DMD: variants seen among roughly 807,000 people sequenced by gnomAD.
DMD encodes mutant dystrophin.
Under a neutral mutation model 330.1 loss-of-function variants are expected in DMD, and 63 were observed. That is an observed-to-expected ratio of 0.19 (90% confidence interval 0.16 to 0.24). DMD has a LOEUF of 0.24. Among genes scored for constraint, DMD ranks in the 10% least tolerant of loss-of-function variants. The pLI, the probability that DMD is intolerant of heterozygous loss-of-function variation, is 1.00. For synonymous variants in DMD, 1,223 were observed against 959.8 expected (o/e 1.27, Z -5.07); for missense variants, 3,344 against 2,684.1 (o/e 1.25, Z -5.43).
At chrX:31,273,164 G>A (rs977275410) in intron 62 of DMD, among the ~76,000 whole-genome samples, 4 of 111,261 alleles carry the variant, frequency 3.6e-5, no homozygotes, top group South Asian at 3.8e-4. Flanking sequence ...AAAAATCAAC[G>A]CAGCTTTAGT....
chrX:32,694,112 G>A (rs2063477279), intron 9 of DMD, among the ~76,000 whole-genome samples: 1 of 111,196 alleles, frequency 9.0e-6, no homozygotes, highest in Non-Finnish European at 1.9e-5. Flanking sequence ...CTTTCTTCTG[G>A]ATTCCAGAAT....
intron 55 of DMD, among the ~76,000 whole-genome samples, chrX:31,565,311 G>A (rs759078828): frequency 1.3e-4 from 14 of 110,504 alleles, no homozygotes; most frequent in East Asian, 2.8e-4. Context: ...CTGTTGTCCC[G>A]GACTCCTTGC....
chrX:31,647,840 T>G (rs745677935), intron 54 of DMD, among the ~76,000 whole-genome samples: 79 of 112,396 alleles, frequency 7.0e-4, no homozygotes, highest in Admixed American at 5.5e-3. Context: ...AAGCTAAGTG[T>G]GAAACTGACT....
chrX:33,278,813 A>C (rs1010941048), intron 1 of DMD, among the ~76,000 whole-genome samples: 4 of 111,824 alleles, frequency 3.6e-5, no homozygotes, highest in Non-Finnish European at 5.6e-5. Context: ...TAAAGTAAAA[A>C]AGGACAAAGA....
intron 63 of DMD, among the ~76,000 whole-genome samples, chrX:31,252,812 G>C (rs2049520984): frequency 9.0e-6 from 1 of 111,458 alleles, no homozygotes; most frequent in Non-Finnish European, 1.9e-5. Flanking sequence ...AAGAGATCGA[G>C]ACCATCCTGG....
intron 44 of DMD, among the ~76,000 whole-genome samples, chrX:32,037,785 A>G (rs1346885283): frequency 8.9e-6 from 1 of 112,146 alleles, no homozygotes; most frequent in African/African-American, 3.2e-5. Flanking sequence ...TTTAATTTCA[A>G]TGATGTTATC....
intron 12 of DMD, among the ~76,000 whole-genome samples, chrX:32,598,772 A>G (rs1345500518): frequency 8.9e-6 from 1 of 111,943 alleles, no homozygotes; most frequent in Non-Finnish European, 1.9e-5. Flanking sequence ...CATTCTTGCC[A>G]TATTGATCAA....
chrX:32,468,524 G>T lies in DMD; in HGVS notation c.3136C>A (p.Gln1046Lys). Residue 1046 changes from glutamine (Q) to lysine (K), a missense_variant, in exon 23 of 79, where the codon CAA (glutamine) becomes AAA (lysine). By Grantham distance (53) the Gln-to-Lys change is moderately conservative (BLOSUM62 1). Coordinates refer to ENST00000357033, the MANE Select transcript of DMD (RefSeq NM_004006.3). ...LVEHCQKLEE[Q>K]MNKLRKIQNH... Reference sequence around the variant, plus strand: ...TGAATTTTTCGGAGTTTATTCATTTGCTCCTCTAGCTTTTGACAATGCTCA... The same window carrying T: ...TGAATTTTTCGGAGTTTATTCATTTTCTCCTCTAGCTTTTGACAATGCTCA... 3.3e-6 allele frequency: 4 copies of T among 1,208,220 alleles called. No homozygotes were observed. The highest frequency in any genetic ancestry group is 4.5e-6 in the Non-Finnish European group (4 of 893,391).
At chrX:31,654,218 T>C (rs779413613) in intron 54 of DMD, among the ~76,000 whole-genome samples, 1 of 112,168 alleles carries the variant, frequency 8.9e-6, no homozygotes, top group African/African-American at 3.2e-5. Flanking sequence ...AAACTAAAGA[T>C]TTTATTACTA....
chrX:33,097,552 C>G (rs1201670339), intron 1 of DMD, among the ~76,000 whole-genome samples: 1 of 108,653 alleles, frequency 9.2e-6, no homozygotes, highest in Non-Finnish European at 1.9e-5. Flanking sequence ...TTTACAGTGT[C>G]ACCTTTACTG....
chrX:31,170,038 G>A (rs2039833445), intron 73 of DMD, among the ~76,000 whole-genome samples: 2 of 112,092 alleles, frequency 1.8e-5, no homozygotes, highest in Admixed American at 9.5e-5. Context: ...AAAAGTAACA[G>A]AGGAAATATT....
chrX:32,082,391 G>GCTATCTATCTAT lies in DMD; in HGVS notation c.6439-113889_6439-113878dup, dbSNP rs74475298. ...CTACAGGGGCACACTACCTCGCCCGGCTATCTATCTATCTATCTATCTATC... is the reference window on the plus strand; with the variant it reads ...CTACAGGGGCACACTACCTCGCCCGGCTATCTATCTATCTATCTATCTATCTATCTATCTATC... On this transcript the variant is annotated intron_variant, in intron 44 of 78. Coordinates refer to ENST00000357033, the MANE Select transcript of DMD (RefSeq NM_004006.3). Among the ~76,000 whole-genome samples, 704 of 95,326 alleles carry GCTATCTATCTAT rather than the reference G, an allele frequency of 7.4e-3. 5 individuals carry two copies. The highest frequency in any genetic ancestry group is 0.012 in the East Asian group (34 of 2,881). The allele number at this position is 95,326 out of a possible 115,157, so 82.8% of individuals were successfully genotyped here.
chrX:33,172,730 A>C (rs1212655960), intron 1 of DMD, among the ~76,000 whole-genome samples: 1 of 112,216 alleles, frequency 8.9e-6, no homozygotes, highest in Non-Finnish European at 1.9e-5. Flanking sequence ...ACCAGTAGCT[A>C]AAAACATTAT....
intron 45 of DMD, among the ~76,000 whole-genome samples, chrX:31,933,218 G>A (rs1229568486): frequency 1.8e-5 from 2 of 112,023 alleles, no homozygotes; most frequent in Non-Finnish European, 3.8e-5. Flanking sequence ...TTATTCTGTG[G>A]GTCAAGGATT....
At chrX:31,195,514 C>T (rs189947870) in intron 67 of DMD, among the ~76,000 whole-genome samples, 6 of 110,818 alleles carry the variant, frequency 5.4e-5, no homozygotes, top group South Asian at 3.8e-4. Context: ...TGGATCAGGG[C>T]GCATTATGTA....
chrX:32,476,443 A>G (rs2041243936), intron 21 of DMD, among the ~76,000 whole-genome samples: 1 of 111,843 alleles, frequency 8.9e-6, no homozygotes, highest in African/African-American at 3.2e-5. Context: ...TTAAGAAATA[A>G]ACTTCCAAAG....
At chrX:32,600,110 ACTT>A (rs1326057599) in intron 12 of DMD, among the ~76,000 whole-genome samples, 2 of 111,938 alleles carry the variant, frequency 1.8e-5, no homozygotes. Context: ...CTTTTCTTGT[ACTT>A]CTTTTAAATG....
intron 42 of DMD, among the ~76,000 whole-genome samples, chrX:32,302,314 T>A: frequency 9.0e-6 from 1 of 111,195 alleles, no homozygotes; most frequent in East Asian, 2.8e-4. Flanking sequence ...TAAACCATGA[T>A]ATTTGGTGGG....
chrX:32,363,683 T>A (rs1240793644), intron 36 of DMD, among the ~76,000 whole-genome samples: 1 of 111,834 alleles, frequency 8.9e-6, no homozygotes, highest in Non-Finnish European at 1.9e-5. Flanking sequence ...CATAAATGTG[T>A]TTTGGGGATA....
Sources: allele counts gnomAD v4.1 joint callset (sites outside exome capture counted in the v4.1 genomes callset), GRCh38; gene constraint gnomAD v4.1.1; transcripts MANE v1.5; gene names NCBI Gene and HGNC (gene_info 2026-07-23, HGNC 2026-07-21).